The following PCDHGA2 variants were observed in gnomAD, a reference collection of about 807,000 sequenced individuals.
PCDHGA2 encodes protocadherin gamma subfamily A, 2.
Under a neutral mutation model 59.2 loss-of-function variants are expected in PCDHGA2, and 40 were observed. That is an observed-to-expected ratio of 0.68 (90% CI 0.52 to 0.88). The LOEUF (loss-of-function observed/expected upper bound fraction) is 0.88, where lower values mean the gene tolerates loss of function less well. Among genes scored for constraint, PCDHGA2 ranks in the 40% least tolerant of loss-of-function variants. The pLI is 0.00. For synonymous variants in PCDHGA2, 560 were observed against 526.0 expected (o/e 1.06, Z -0.89); for missense variants, 1,226 against 1,204.0 (o/e 1.02, Z -0.27).
intron 1 of PCDHGA2, chr5:141,415,653 G>C (rs947379829): frequency 1.4e-5 from 22 of 1,539,304 alleles, no homozygotes; most frequent in Non-Finnish European, 1.9e-5. Context: ...AAAAAAAAAA[G>C]ATTGGTTTTT....
intron 1 of PCDHGA2, among the ~76,000 whole-genome samples, chr5:141,420,581 C>T (rs1024544346): frequency 2.6e-5 from 4 of 151,994 alleles, no homozygotes; most frequent in Admixed American, 6.5e-5. Flanking sequence ...TAATTGAAAC[C>T]CTGATGCTAC....
intron 1 of PCDHGA2, chr5:141,371,795 T>C (rs748704102): frequency 1.2e-6 from 2 of 1,613,908 alleles, no homozygotes; most frequent in Non-Finnish European, 1.7e-6. Flanking sequence ...ACAATCCGCC[T>C]GGAGCCTCCA....
chr5:141,372,510 G>A, intron 1 of PCDHGA2: 1 of 1,613,998 alleles, frequency 6.2e-7, no homozygotes, highest in South Asian at 1.1e-5. Context: ...CTTCCTCCTC[G>A]CGGTGATTCT....
At chr5:141,372,565 A>T (rs1005971734) in intron 1 of PCDHGA2, 4 of 1,614,038 alleles carry the variant, frequency 2.5e-6, no homozygotes, top group Non-Finnish European at 3.4e-6. Context: ...CCCGCCACTG[A>T]GGGCTACTTT....
At chr5:141,420,056 T>C (rs1241770239) in intron 1 of PCDHGA2, 1 of 1,614,044 alleles carries the variant, frequency 6.2e-7, no homozygotes, top group Admixed American at 1.7e-5. Flanking sequence ...AGTTCTCTGC[T>C]CCAAGTCCGG....
At chr5:141,345,274 A>G (rs1251094473) in intron 1 of PCDHGA2, 6 of 1,613,902 alleles carry the variant, frequency 3.7e-6, no homozygotes, top group African/African-American at 1.3e-5. Context: ...GACCGCGAAC[A>G]AATATCAGAA....
intron 1 of PCDHGA2, chr5:141,409,494 C>G (rs755680835): frequency 6.2e-7 from 1 of 1,614,028 alleles, no homozygotes; most frequent in Non-Finnish European, 8.5e-7. Flanking sequence ...GGCAAGCCGC[C>G]TCTTTCTTCC....
intron 1 of PCDHGA2, chr5:141,364,345 T>G (rs1763271329): frequency 6.5e-7 from 1 of 1,542,970 alleles, no homozygotes; most frequent in African/African-American, 1.4e-5. Flanking sequence ...CGAGTCCACC[T>G]AGGGGCTGGG....
intron 1 of PCDHGA2, chr5:141,430,537 A>T (rs1270804825): frequency 7.8e-6 from 3 of 385,890 alleles, no homozygotes; most frequent in African/African-American, 2.1e-5. Flanking sequence ...TAGGACTCTG[A>T]GCGCCGCTGT....
At chr5:141,419,558 C>T (rs560723941) in intron 1 of PCDHGA2, 1 of 1,611,970 alleles carries the variant, frequency 6.2e-7, no homozygotes, top group African/African-American at 1.3e-5. Context: ...GTACCCTGCG[C>T]TGGGTCCCGA....
At chr5:141,467,099 C>T (rs2099136810) in intron 1 of PCDHGA2, among the ~76,000 whole-genome samples, 1 of 149,976 alleles carries the variant, frequency 6.7e-6, no homozygotes, top group Admixed American at 6.7e-5. Context: ...GTCACACAGG[C>T]TGGAGTACAA....
chr5:141,431,833 AAACTCT>A lies in PCDHGA2; in HGVS notation c.2425-62973_2425-62968del. The A allele has an allele frequency of 1.2e-6, 2 of 1,614,278 alleles. No homozygotes were observed. Among genetic ancestry groups the A allele is most frequent in the Non-Finnish European group, 1.7e-6 (2 of 1,180,044 alleles). ...CCTCTCTCGCCAGCTCGGTTCCCGA[AAACTCT>A]CCCAGAGGGACATTAATTGCCCTTT... is the stretch of plus-strand genomic sequence containing the variant. On this transcript the variant is annotated intron_variant, in intron 1 of 3. Transcript: ENST00000394576. This position sits in a 1 kb window ranked among gnomAD's most constrained non-coding sequence, Gnocchi z 4.8.
At chr5:141,392,851 T>C in intron 1 of PCDHGA2, 1 of 1,611,148 alleles carries the variant, frequency 6.2e-7, no homozygotes, top group Non-Finnish European at 8.5e-7. Context: ...CGCGGCGAGC[T>C]GATCCTGCTG....
intron 1 of PCDHGA2, chr5:141,352,051 C>T (rs1319194846): frequency 3.1e-6 from 5 of 1,607,202 alleles, no homozygotes; most frequent in South Asian, 1.1e-5. Flanking sequence ...CAGGACACAA[C>T]GCTTGGCTGT....
chr5:141,476,346 T>G lies in PCDHGA2; in HGVS notation c.2425-18461T>G, dbSNP rs1239836597. On this transcript the variant is annotated intron_variant, in intron 1 of 3. Coordinates refer to ENST00000394576, the MANE Select transcript of PCDHGA2 (RefSeq NM_018915.4). The surrounding 1 kb of genome is among the most constrained non-coding windows in gnomAD (Gnocchi z 7.6). The stretch of plus-strand genomic sequence containing the variant: ...GTGTCTGGAGCTAGCCGAAGATTCT[T>G]TGAGGTGAACCGGGAGACCGGAGAG... 2.5e-6 allele frequency: 4 copies of G among 1,613,932 alleles called. No individual in the cohort carries two copies. Among genetic ancestry groups the G allele is most frequent in the Non-Finnish European group, 3.4e-6 (4 of 1,180,022 alleles).
chr5:141,417,704 A>G, intron 1 of PCDHGA2: 2 of 1,207,460 alleles, frequency 1.7e-6, no homozygotes, highest in Non-Finnish European at 1.1e-6. Context: ...GCTCCCACAC[A>G]GAGGCTCCCG....
chr5:141,362,142 A>G lies in PCDHGA2; in HGVS notation c.2424+20747A>G, dbSNP rs536824662. ...ACCTAATCTTCGCGGATAGCCTGCA[A>G]GAGGTATTGCCAGACCTCAGCGACC... On this transcript the variant is annotated intron_variant, in intron 1 of 3. Transcript: ENST00000394576. The G allele has an allele frequency of 3.7e-6, 6 of 1,614,046 alleles. No individual in the cohort carries two copies. In the African/African-American group the frequency reaches 8.0e-5, roughly 22 times the overall value.
rs750928530 is a variant in PCDHGA2 at position 141,490,174 on chromosome 5, G to T, written c.2425-4633G>T. 1 of 1,614,056 alleles carries T rather than the reference G, an allele frequency of 6.2e-7. No individual in the cohort carries two copies. Among genetic ancestry groups the T allele is most frequent in the South Asian group, 1.1e-5 (1 of 91,086 alleles). ...TGTGTTGGGTCCCATAGACTTTGAG[G>T]AGTCACGTTTCTATGAAATTCATGC... On this transcript the variant is annotated intron_variant, in intron 1 of 3. Transcript: ENST00000394576. This position sits in a 1 kb window ranked among gnomAD's most constrained non-coding sequence, Gnocchi z 5.4.
At chr5:141,428,095 A>G (rs1361784967) in intron 1 of PCDHGA2, 1 of 1,608,848 alleles carries the variant, frequency 6.2e-7, no homozygotes, top group East Asian at 2.2e-5. Flanking sequence ...TGGCTGTCCT[A>G]CCACGTGCTG....
Sources: gnomAD v4.1 joint callset for allele counts (sites outside exome capture counted in the v4.1 genomes callset) on GRCh38, gnomAD v4.1.1 for gene constraint, Gnocchi (gnomAD v3.1) non-coding constraint, MANE v1.5 for transcripts, NCBI Gene and HGNC (gene_info 2026-07-23, HGNC 2026-07-21) for gene names.